Variants in IGFL2 observed in about 807,000 individuals in gnomAD.
IGFL2 encodes IGF like family member 2, also known as insulin growth factor-like family member 2.
In IGFL2, 7 loss-of-function variants were observed where a neutral mutation model predicts 13.9. That is an observed-to-expected ratio of 0.51 (90% confidence interval 0.29 to 0.95). The LOEUF is 0.95. IGFL2 is among the 40% of genes least tolerant of loss of function. The pLI is 0.08. For missense variants in IGFL2, 138 were observed against 147.8 expected, an observed-to-expected ratio of 0.93 and a Z score of 0.34; for synonymous variants, 55 against 55.8, an observed-to-expected ratio of 0.99 and a Z score of 0.07.
At chr19:46,091,728 A>G in the IGFL2 span, among the ~76,000 whole-genome samples, 2 of 152,242 alleles carry the variant, frequency 1.3e-5, no homozygotes, top group African/African-American at 2.4e-5. Flanking sequence ...AAGAGCTGAA[A>G]GATGACTGTG....
chr19:46,112,665 TAG>T, the IGFL2 span, among the ~76,000 whole-genome samples: 2 of 152,212 alleles, frequency 1.3e-5, no homozygotes, highest in African/African-American at 4.8e-5. Context: ...TCAAATATGT[TAG>T]AGAATAGATT....
chr19:46,109,337 C>G, the IGFL2 span, among the ~76,000 whole-genome samples: 1 of 147,818 alleles, frequency 6.8e-6, no homozygotes, highest in Non-Finnish European at 1.5e-5. Flanking sequence ...TTTTTTTTGA[C>G]GGAGTCTTGC....
intron 1 of IGFL2, among the ~76,000 whole-genome samples, chr19:46,155,357 A>G (rs994189735): frequency 6.6e-6 from 1 of 152,196 alleles, no homozygotes; most frequent in African/African-American, 2.4e-5. Context: ...ACTACCCAGC[A>G]TAGAGCTTCA....
At chr19:46,095,540 A>G in the IGFL2 span, among the ~76,000 whole-genome samples, 1 of 152,098 alleles carries the variant, frequency 6.6e-6, no homozygotes, top group Non-Finnish European at 1.5e-5. Flanking sequence ...ATTAGGTGCC[A>G]TTTGTCAATT....
At chr19:46,178,120 TAAA>T in the IGFL2 span, among the ~76,000 whole-genome samples, 1 of 151,708 alleles carries the variant, frequency 6.6e-6, no homozygotes, top group Non-Finnish European at 1.5e-5. Flanking sequence ...CTACTAAAAA[TAAA>T]AAAATTAGTC....
At chr19:46,168,135 G>T in the IGFL2 span, among the ~76,000 whole-genome samples, 1 of 152,188 alleles carries the variant, frequency 6.6e-6, no homozygotes, top group Non-Finnish European at 1.5e-5. Flanking sequence ...AGGTCTCGCT[G>T]TGTTGCCCAT....
At chr19:46,112,115 G>A in the IGFL2 span, 2 of 152,164 alleles carry the variant, frequency 1.3e-5, no homozygotes, top group Admixed American at 1.3e-4. Flanking sequence ...CTGAGATGCC[G>A]AACATCTGTG....
At chr19:46,178,273 C>T in the IGFL2 span, among the ~76,000 whole-genome samples, 97,029 of 151,420 alleles carry the variant, frequency 0.64, 31,990 homozygotes, top group African/African-American at 0.73. Flanking sequence ...CAAGACTCTG[C>T]CTCAAAAAGA....
the IGFL2 span, chr19:46,200,765 T>C: frequency 3.3e-5 from 5 of 152,090 alleles, no homozygotes; most frequent in African/African-American, 1.2e-4. Context: ...AAGCAATTCT[T>C]CCTCATCAGC....
the IGFL2 span, among the ~76,000 whole-genome samples, chr19:46,122,344 A>G: frequency 6.6e-6 from 1 of 151,274 alleles, no homozygotes; most frequent in African/African-American, 2.4e-5. Context: ...AATACTAAAT[A>G]TTATAATTTT....
chr19:46,175,949 T>C, the IGFL2 span, among the ~76,000 whole-genome samples: 1 of 151,066 alleles, frequency 6.6e-6, no homozygotes, highest in Non-Finnish European at 1.5e-5. Context: ...TTCAAGCGAT[T>C]GTCCTGCCTT....
At chr19:46,161,318 C>CTT (rs71175262), downstream of IGFL2, 7,311 of 238,024 alleles carry the variant, frequency 0.031, 148 homozygotes, top group African/African-American at 0.077. Flanking sequence ...CGTCTCCTTT[C>CTT]TTTTTTTTTT....
the IGFL2 span, among the ~76,000 whole-genome samples, chr19:46,079,612 C>T: frequency 2.0e-5 from 3 of 152,192 alleles, no homozygotes; most frequent in African/African-American, 7.2e-5. Context: ...TGTACGTCGC[C>T]TGTACCTGAA....
At chr19:46,183,536 A>C in the IGFL2 span, among the ~76,000 whole-genome samples, 3 of 140,386 alleles carry the variant, frequency 2.1e-5, no homozygotes, top group Non-Finnish European at 3.1e-5. Context: ...CTTTCTGCAG[A>C]CTTTTTTTTT....
the IGFL2 span, among the ~76,000 whole-genome samples, chr19:46,175,691 A>G: frequency 6.6e-6 from 1 of 151,808 alleles, no homozygotes; most frequent in Non-Finnish European, 1.5e-5. Flanking sequence ...GGCGCCCGCC[A>G]CCACACCTGG....
chr19:46,197,162 C>T, the IGFL2 span: 185 of 228,760 alleles, frequency 8.1e-4, no homozygotes, highest in Non-Finnish European at 1.3e-3. Context: ...TGGAACTGCA[C>T]CTTCAGAGTC....
At chr19:46,197,345 C>T in the IGFL2 span, 1 of 162,606 alleles carries the variant, frequency 6.1e-6, no homozygotes, top group Non-Finnish European at 1.4e-5. Context: ...CCTGTTCTGC[C>T]CTGAGTAGAG....
chr19:46,081,568 T>G, the IGFL2 span, among the ~76,000 whole-genome samples: 1 of 152,228 alleles, frequency 6.6e-6, no homozygotes, highest in Non-Finnish European at 1.5e-5. Context: ...CCTTAAGCCT[T>G]ACCTGTCTGA....
At chr19:46,174,629 G>A in the IGFL2 span, among the ~76,000 whole-genome samples, 1 of 152,238 alleles carries the variant, frequency 6.6e-6, no homozygotes, top group East Asian at 1.9e-4. Flanking sequence ...GAGTGGGTAG[G>A]GCAATAGGAA....
Sources: allele counts gnomAD v4.1 joint callset (sites outside exome capture counted in the v4.1 genomes callset), GRCh38; gene constraint gnomAD v4.1.1; transcripts MANE v1.5; gene names NCBI Gene and HGNC (gene_info 2026-07-23, HGNC 2026-07-21).